The following WNK1 variants were observed in gnomAD, a reference collection of about 807,000 sequenced individuals.
The protein encoded by WNK1 is serine/threonine-protein kinase WNK1.
In WNK1, 38 loss-of-function variants were observed where a neutral mutation model predicts 222.8. That is an observed-to-expected ratio of 0.17 (90% CI 0.13 to 0.22). WNK1 has a LOEUF of 0.22. WNK1 is among the 10% of genes least tolerant of loss of function. WNK1 has a pLI of 1.00. For synonymous variants in WNK1, 1,090 were observed against 1,092.9 expected (o/e 1.00, Z 0.05); for missense variants, 2,348 against 2,918.4 (o/e 0.80, Z 4.50).
In WNK1 at chr12:907,841, T is replaced by A. The variant is rs774975110; in HGVS notation, c.6644-6T>A. 3 of 1,613,264 alleles carry A rather than the reference T, an allele frequency of 1.9e-6. No homozygotes were observed. In the African/African-American group the frequency reaches 4.0e-5, roughly 22 times the overall value. On this transcript the variant is annotated splice_region_variant and splice_polypyrimidine_tract_variant and intron_variant, in intron 26 of 27. Coordinates refer to ENST00000315939, the MANE Select transcript of WNK1 (RefSeq NM_018979.4). Reference sequence around the variant, plus strand: ...TTTAATGCTCGTATTCTGTTGCTTATAATAGGAACCAGCAGCACAAACACT... The same window carrying A: ...TTTAATGCTCGTATTCTGTTGCTTAAAATAGGAACCAGCAGCACAAACACT...
chr12:884,782 T>C lies in WNK1; in HGVS notation c.3978T>C (p.Phe1326=), dbSNP rs756153317. 3.7e-6 allele frequency: 6 copies of C among 1,614,062 alleles called. No individual in the cohort carries two copies. The highest frequency in any genetic ancestry group is 3.3e-5 in the South Asian group (3 of 91,086). ...GACCCAACACAGCACCTCCAAACTT[T>C]AGTCATACAGGACCAACATTTCCAG... The part of the protein sequence containing the change: ...TEGPNTAPPN[F]SHTGPTFPVV... The change falls in exon 19 of 28, where the codon TTT becomes TTC. Residue 1326 remains phenylalanine (F), a synonymous_variant. Coordinates refer to ENST00000315939, the MANE Select transcript of WNK1 (RefSeq NM_018979.4). The surrounding 1 kb of genome is among the most constrained non-coding windows in gnomAD (Gnocchi z 5.6).
At chr12:868,458 T>C in intron 8 of WNK1, 2 of 1,613,974 alleles carry the variant, frequency 1.2e-6, no homozygotes, top group Non-Finnish European at 1.7e-6. Flanking sequence ...GTAGGACACC[T>C]TCAGAATCTA....
intron 1 of WNK1, among the ~76,000 whole-genome samples, chr12:763,511 C>T (rs1396717085): frequency 6.8e-6 from 1 of 146,902 alleles, no homozygotes; most frequent in African/African-American, 2.4e-5. Flanking sequence ...ATCACTTGAA[C>T]CCGGGAGGTG....
rs1166106162 is a variant in WNK1 at position 896,389 on chromosome 12, A to T, written c.5902A>T (p.Thr1968Ser). The change falls in exon 24 of 28, where the codon ACT becomes TCT. Residue 1968 changes from threonine (T) to serine (S), a missense_variant. This residue lies in a region of WNK1 where 1,144 missense variants were observed against 1,273.6 expected (regional missense o/e 0.90). Coordinates refer to ENST00000315939, the MANE Select transcript of WNK1 (RefSeq NM_018979.4). ...TGTATCAAAAACTGAGGACAAGATC[A>T]CTGACACAAAGAAAGAAGGACCAGT... ...FSVSKTEDKI[T>S]DTKKEGPVAS... The T allele has an allele frequency of 1.2e-5, 19 of 1,614,092 alleles. No homozygotes were observed. The highest frequency in any genetic ancestry group is 1.6e-5 in the Non-Finnish European group (19 of 1,180,058).
intron 4 of WNK1, among the ~76,000 whole-genome samples, chr12:848,496 C>CTTTTTTTTTTTTTT (rs10644583): frequency 5.0e-5 from 5 of 99,258 alleles, no homozygotes; most frequent in Non-Finnish European, 5.7e-5. Flanking sequence ...CCAGTAAAAA[C>CTTTTTTTTTTTTTT]TTTTTTTTTT....
At chr12:817,198 T>A (rs904834570) in intron 2 of WNK1, among the ~76,000 whole-genome samples, 3 of 152,030 alleles carry the variant, frequency 2.0e-5, no homozygotes, top group Non-Finnish European at 4.4e-5. Context: ...TTTAATTATC[T>A]AAAAGGGGTT....
rs780215005 is a variant in WNK1 at position 883,101 on chromosome 12, G to GCT, written c.3489+42_3489+43insCT. ...AGTTCTAGGTTTTTCCTTAGTACTT[G>GCT]ATCTTAATAGCCATTGCTCTAGGCA... is the stretch of plus-strand genomic sequence containing the variant. On this transcript the variant is annotated intron_variant, in intron 15 of 27. Coordinates refer to ENST00000315939, the MANE Select transcript of WNK1 (RefSeq NM_018979.4). 18 of 1,355,804 alleles carry GCT rather than the reference G, an allele frequency of 1.3e-5. No individual in the cohort carries two copies. The African/African-American group carries it at 2.4e-4, about 18-fold the overall frequency. 84.0% of individuals were successfully genotyped at this position (1,355,804 alleles called of 1,614,324 possible).
intron 22 of WNK1, among the ~76,000 whole-genome samples, chr12:893,442 G>A (rs1954450150): frequency 6.6e-6 from 1 of 152,140 alleles, no homozygotes. Flanking sequence ...ATCGCTCAAT[G>A]TTCTACTAGC....
chr12:872,054 T>C (rs1425438882), intron 9 of WNK1, among the ~76,000 whole-genome samples: 1 of 152,244 alleles, frequency 6.6e-6, no homozygotes, highest in Non-Finnish European at 1.5e-5. Flanking sequence ...TGTAGAATGA[T>C]GTGTCAGATT....
Position 785,377 on chromosome 12 carries a change from T to C in WNK1, c.760-28265T>C, listed in dbSNP as rs115584012. Among the ~76,000 whole-genome samples, 1,498 of 151,470 alleles carry C rather than the reference T, an allele frequency of 9.9e-3. 29 individuals are homozygous for C. The highest frequency in any genetic ancestry group is 0.034 in the African/African-American group (1,417 of 41,116). On this transcript the variant is annotated intron_variant, in intron 1 of 27. Coordinates refer to ENST00000315939, the MANE Select transcript of WNK1 (RefSeq NM_018979.4). Reference sequence around the variant, plus strand: ...TATGTTGGTTCTCCTAGACCAATGGTCTAACGTCCATATCATTTTCTCCCC... The same window carrying C: ...TATGTTGGTTCTCCTAGACCAATGGCCTAACGTCCATATCATTTTCTCCCC...
At chr12:900,443 C>T in intron 25 of WNK1, 33 bp from the exon 26 acceptor site, 1 of 1,612,458 alleles carries the variant, frequency 6.2e-7, no homozygotes, top group Non-Finnish European at 8.5e-7. Context: ...AAGAGCTGGA[C>T]ATGTTTCCTC....
chr12:809,576 A>G (rs1946723118), intron 1 of WNK1, among the ~76,000 whole-genome samples: 1 of 152,202 alleles, frequency 6.6e-6, no homozygotes, highest in South Asian at 2.1e-4. Context: ...TCTTTTTGCT[A>G]TCTTTAACAG....
At position 878,304 on chromosome 12, in the gene WNK1, G is replaced by A; in HGVS notation, c.2316G>A (p.Gln772=). Residue 772 remains glutamine (Q), a synonymous_variant, in exon 10 of 28, where the codon CAG becomes CAA. Coordinates refer to ENST00000315939, the MANE Select transcript of WNK1 (RefSeq NM_018979.4). ...CCTCCAGTGAGGCCACTACTGCACA[G>A]CCAGTGAGTCAGCCTCAAGCTCCAC... ...TSTSSEATTA[Q]PVSQPQAPQV... is the part of the protein sequence containing the mutation. 6.2e-7 allele frequency: 1 copy of A among 1,613,666 alleles called. No individual in the cohort carries two copies. The highest frequency in any genetic ancestry group is 8.5e-7 in the Non-Finnish European group (1 of 1,179,872).
chr12:881,592 C>T (rs551987947), intron 12 of WNK1, 100 bp from the exon 13 acceptor site: 10 of 894,374 alleles, frequency 1.1e-5, no homozygotes, highest in African/African-American at 3.3e-5. Flanking sequence ...GCTTCTAGGA[C>T]GTAGTGGGGA....
intron 9 of WNK1, 42 bp downstream of exon 9, chr12:871,390 C>A: frequency 1.3e-6 from 2 of 1,583,048 alleles, no homozygotes; most frequent in Non-Finnish European, 1.7e-6. Context: ...TTAGCAGTGG[C>A]CAGAACACTA....
chr12:824,749 A>T (rs557437556), intron 2 of WNK1, among the ~76,000 whole-genome samples: 6 of 152,256 alleles, frequency 3.9e-5, no homozygotes, highest in Admixed American at 2.0e-4. Flanking sequence ...TATAAGGAGG[A>T]CTAACGACAA....
rs1464158874 is a variant in WNK1, at chr12:865,031, G to A, written c.2139+2761G>A. The A allele has an allele frequency of 4.9e-6, 7 of 1,424,110 alleles. No homozygotes were observed. In the East Asian group the frequency reaches 7.5e-5, roughly 15 times the overall value. 88.2% of individuals were successfully genotyped at this position (1,424,110 alleles called of 1,614,324 possible). On this transcript the variant is annotated intron_variant, in intron 8 of 27. Transcript: ENST00000315939. The stretch of plus-strand genomic sequence containing the variant: ...ATGGAACATTTCTTCATGCAACTAT[G>A]CCCTGTTATCATTGTACTTTTGTTT...
chr12:907,829 TTC>T lies in WNK1; in HGVS notation c.6644-16_6644-15del. The T allele has an allele frequency of 6.2e-7, 1 of 1,613,026 alleles. No homozygotes were observed. Among genetic ancestry groups the T allele is most frequent in the South Asian group, 1.1e-5 (1 of 91,032 alleles). ...ACCTAGGCTTCTTTTAATGCTCGTA[TTC>T]TGTTGCTTATAATAGGAACCAGCAG... is the stretch of plus-strand genomic sequence containing the variant. On this transcript the variant is annotated splice_polypyrimidine_tract_variant and intron_variant, in intron 26 of 27. Coordinates refer to ENST00000315939, the MANE Select transcript of WNK1 (RefSeq NM_018979.4).
intron 4 of WNK1, among the ~76,000 whole-genome samples, chr12:852,317 T>C (rs1487543176): frequency 6.6e-6 from 1 of 152,210 alleles, no homozygotes; most frequent in Non-Finnish European, 1.5e-5. Flanking sequence ...GTTACAGTTG[T>C]TCATTTTTTT....
Sources: gnomAD v4.1 joint callset for allele counts (sites outside exome capture counted in the v4.1 genomes callset) on GRCh38, gnomAD v4.1.1 for gene constraint, gnomAD v4.1.1 regional missense constraint, Gnocchi (gnomAD v3.1) non-coding constraint, MANE v1.5 for transcripts, NCBI Gene and HGNC (gene_info 2026-07-23, HGNC 2026-07-21) for gene names.